KCNIP4: variants seen among roughly 807,000 people sequenced by gnomAD.
The protein encoded by KCNIP4 is potassium voltage-gated channel interacting protein 4.
KCNIP4 carries 12 observed loss-of-function variants against 34.0 expected under a neutral mutation model. That is an observed-to-expected ratio of 0.35 (90% CI 0.23 to 0.57). The LOEUF (loss-of-function observed/expected upper bound fraction) is 0.57. KCNIP4 is among the 20% of genes least tolerant of loss of function. KCNIP4 has a pLI of 0.83. For synonymous variants in KCNIP4, 124 were observed against 102.2 expected (o/e 1.21, Z -1.29); for missense variants, 238 against 311.7 (o/e 0.76, Z 1.78).
chr4:21,325,660 C>T (rs1266440886), intron 1 of KCNIP4, among the ~76,000 whole-genome samples: 2 of 151,628 alleles, frequency 1.3e-5, no homozygotes, highest in African/African-American at 4.8e-5. Flanking sequence ...TGCTCTTGCT[C>T]TTCTAGCTCT....
intron 1 of KCNIP4, among the ~76,000 whole-genome samples, chr4:21,923,337 T>C (rs925292882): frequency 1.3e-4 from 20 of 152,166 alleles, no homozygotes; most frequent in African/African-American, 4.6e-4. Flanking sequence ...AGCCCAGCAC[T>C]TTGGGAGGCC....
intron 1 of KCNIP4, among the ~76,000 whole-genome samples, chr4:21,803,226 A>G (rs1240052675): frequency 1.3e-5 from 2 of 152,024 alleles, no homozygotes; most frequent in Non-Finnish European, 2.9e-5. Flanking sequence ...ACCTCCCTCT[A>G]TCTCCCACTT....
At chr4:21,704,459 AT>A (rs1713112921) in intron 1 of KCNIP4, among the ~76,000 whole-genome samples, 1 of 152,168 alleles carries the variant, frequency 6.6e-6, no homozygotes. Flanking sequence ...CAAACCACTT[AT>A]CTGACAAAGG....
intron 1 of KCNIP4, among the ~76,000 whole-genome samples, chr4:21,549,025 C>T (rs754916157): frequency 1.2e-4 from 18 of 151,930 alleles, no homozygotes; most frequent in Admixed American, 3.3e-4. Context: ...AAGCAGTCCC[C>T]TAGTCTGGAG....
At chr4:21,816,219 A>C (rs1721978145) in intron 1 of KCNIP4, among the ~76,000 whole-genome samples, 1 of 152,236 alleles carries the variant, frequency 6.6e-6, no homozygotes, top group Admixed American at 6.5e-5. Context: ...ATGTACCCTA[A>C]CATAGTGTTC....
intron 1 of KCNIP4, among the ~76,000 whole-genome samples, chr4:21,569,968 G>A (rs1740236032): frequency 6.6e-6 from 1 of 151,974 alleles, no homozygotes; most frequent in African/African-American, 2.4e-5. Context: ...ATGGGGGTGG[G>A]CTATGTGGTA....
chr4:21,109,245 G>A (rs2109095869), intron 1 of KCNIP4, among the ~76,000 whole-genome samples: 1 of 152,258 alleles, frequency 6.6e-6, no homozygotes, highest in South Asian at 2.1e-4. Flanking sequence ...GAGCTGTGGT[G>A]GGCTCCACCC....
intron 1 of KCNIP4, among the ~76,000 whole-genome samples, chr4:21,785,204 C>G (rs1225946199): frequency 3.3e-5 from 5 of 151,904 alleles, no homozygotes; most frequent in African/African-American, 1.2e-4. Context: ...CAGAATTCAC[C>G]CATTTAAAGT....
chr4:21,387,056 A>C (rs1722096491), intron 1 of KCNIP4, among the ~76,000 whole-genome samples: 1 of 152,178 alleles, frequency 6.6e-6, no homozygotes, highest in Non-Finnish European at 1.5e-5. Flanking sequence ...CAATGGCCTG[A>C]AGGTAGGTTA....
chr4:21,217,290 T>C (rs1315800566), intron 1 of KCNIP4, among the ~76,000 whole-genome samples: 4 of 152,190 alleles, frequency 2.6e-5, no homozygotes, highest in African/African-American at 4.8e-5. Flanking sequence ...TACCATTTAT[T>C]GCACATTATT....
chr4:21,927,973 T>C (rs943806647), intron 1 of KCNIP4, among the ~76,000 whole-genome samples: 11 of 152,018 alleles, frequency 7.2e-5, no homozygotes, highest in Non-Finnish European at 1.3e-4. Context: ...GCAAAATAAA[T>C]GTTAAGCCCT....
rs918960367 is a variant in KCNIP4 at position 21,108,754 on chromosome 4, G to A, written c.62-226045C>T. Reference sequence around the variant, plus strand: ...TTATCTACTTTTGGTCTTTGATGATGGTGATGTACAGATGGGTTTTTGGTG... The same window carrying A: ...TTATCTACTTTTGGTCTTTGATGATAGTGATGTACAGATGGGTTTTTGGTG... On this transcript the variant is annotated intron_variant, in intron 1 of 8. Transcript: ENST00000382152. Among the ~76,000 whole-genome samples, 32 of 151,804 alleles carry A rather than the reference G, an allele frequency of 2.1e-4. 2 individuals are homozygous for A. Among genetic ancestry groups the A allele is most frequent in the African/African-American group, 7.1e-4 (29 of 41,108 alleles).
At chr4:21,444,458 AG>A (rs572445426) in intron 1 of KCNIP4, among the ~76,000 whole-genome samples, 269 of 152,328 alleles carry the variant, frequency 1.8e-3, no homozygotes, top group African/African-American at 6.3e-3. Flanking sequence ...CTGGGATGCA[AG>A]GCTGGTTCAA....
intron 1 of KCNIP4, among the ~76,000 whole-genome samples, chr4:21,678,999 C>T (rs531577167): frequency 2.6e-5 from 4 of 152,054 alleles, no homozygotes; most frequent in Non-Finnish European, 5.9e-5. Context: ...ATACCAGGAG[C>T]ACACAAGCAC....
intron 1 of KCNIP4, among the ~76,000 whole-genome samples, chr4:21,547,872 C>A (rs569683997): frequency 6.1e-4 from 79 of 130,108 alleles, no homozygotes; most frequent in African/African-American, 2.0e-3. Context: ...CTGAAGGTGA[C>A]TTTATAAAAT....
chr4:21,175,724 A>G (rs1381852276), intron 1 of KCNIP4, among the ~76,000 whole-genome samples: 4 of 152,214 alleles, frequency 2.6e-5, no homozygotes, highest in Non-Finnish European at 4.4e-5. Context: ...TGTCCCAAGC[A>G]GGAAAGAGTG....
chr4:21,936,470 T>A (rs758556668), intron 1 of KCNIP4, among the ~76,000 whole-genome samples: 3 of 152,110 alleles, frequency 2.0e-5, no homozygotes, highest in Non-Finnish European at 2.9e-5. Flanking sequence ...CTCAGACATG[T>A]CTTTATTAGC....
At chr4:21,091,567 T>C (rs1286222679) in intron 1 of KCNIP4, among the ~76,000 whole-genome samples, 1 of 152,218 alleles carries the variant, frequency 6.6e-6, no homozygotes, top group Non-Finnish European at 1.5e-5. Flanking sequence ...TTTCATACTA[T>C]GCATCTTCAC....
chr4:21,278,987 T>C (rs1477949470), intron 1 of KCNIP4, among the ~76,000 whole-genome samples: 1 of 152,072 alleles, frequency 6.6e-6, no homozygotes, highest in Non-Finnish European at 1.5e-5. Flanking sequence ...TAAGGGAGAA[T>C]GTGTATAGAG....
Sources: gnomAD v4.1 joint callset for allele counts (sites outside exome capture counted in the v4.1 genomes callset) on GRCh38, gnomAD v4.1.1 for gene constraint, MANE v1.5 for transcripts, NCBI Gene and HGNC (gene_info 2026-07-23, HGNC 2026-07-21) for gene names.